The following MED13L variants were observed in gnomAD, a reference collection of about 807,000 sequenced individuals.
MED13L encodes mediator complex subunit 13L.
Under a neutral mutation model 220.9 loss-of-function variants are expected in MED13L, and 7 were observed. That is an observed-to-expected ratio of 0.03 (90% CI 0.02 to 0.06). The LOEUF is 0.06. Ranked by LOEUF, MED13L falls within the 10% of genes least tolerant of loss-of-function variation. The pLI, the probability that MED13L is intolerant of heterozygous loss-of-function variation, is 1.00. For missense variants in MED13L, 1,965 were observed against 2,760.5 expected (o/e 0.71, Z 6.46); for synonymous variants, 1,011 against 1,015.2 (o/e 1.00, Z 0.08).
intron 2 of MED13L, among the ~76,000 whole-genome samples, chr12:116,184,392 T>C (rs1230915341): frequency 6.6e-6 from 1 of 152,206 alleles, no homozygotes; most frequent in Non-Finnish European, 1.5e-5. Context: ...ATGTGGAGTT[T>C]GTACAACAAT....
chr12:116,109,162 C>G (rs1050198791), intron 3 of MED13L, among the ~76,000 whole-genome samples: 2 of 143,634 alleles, frequency 1.4e-5, no homozygotes, highest in Non-Finnish European at 3.0e-5. Context: ...CCTCAACCTC[C>G]TGGGCTCAAG....
intron 2 of MED13L, among the ~76,000 whole-genome samples, chr12:116,193,282 G>A (rs1881403335): frequency 6.6e-6 from 1 of 152,146 alleles, no homozygotes; most frequent in South Asian, 2.1e-4. Flanking sequence ...CTGCACTACA[G>A]CTTGGACAAC....
At chr12:116,233,202 A>G (rs1296584087) in intron 2 of MED13L, among the ~76,000 whole-genome samples, 3 of 152,154 alleles carry the variant, frequency 2.0e-5, no homozygotes, top group Non-Finnish European at 2.9e-5. Flanking sequence ...AATTTAGTCA[A>G]GCCAAAACAG....
intron 10 of MED13L, 69 bp downstream of exon 10, chr12:116,008,332 C>T: frequency 3.9e-6 from 6 of 1,523,398 alleles, no homozygotes; most frequent in Non-Finnish European, 5.3e-6. Flanking sequence ...GAAAGTTTAG[C>T]AGGTAGAGAT....
intron 1 of MED13L, among the ~76,000 whole-genome samples, chr12:116,240,775 C>A (rs1189982465): frequency 6.6e-6 from 1 of 151,178 alleles, no homozygotes; most frequent in East Asian, 2.0e-4. Flanking sequence ...GACCCGCCCA[C>A]CTCCGCCTCC....
At chr12:116,209,696 C>G (rs1882573061) in intron 2 of MED13L, among the ~76,000 whole-genome samples, 1 of 152,114 alleles carries the variant, frequency 6.6e-6, no homozygotes, top group Non-Finnish European at 1.5e-5. Flanking sequence ...ACTATTAGAG[C>G]CCAACCCTCT....
At chr12:115,987,439 G>A (rs909407201) in intron 17 of MED13L, 151 bp from the exon 18 acceptor site, 14 of 681,320 alleles carry the variant, frequency 2.1e-5, no homozygotes, top group Admixed American at 1.1e-4. Flanking sequence ...CAGGAGGAAA[G>A]ATATTCTTCT....
chr12:116,277,520 A>AGCC lies in MED13L; in HGVS notation c.-392_-390dup, dbSNP rs1190300321. Among the ~76,000 whole-genome samples, 10 of 146,264 alleles carry AGCC rather than the reference A, an allele frequency of 6.8e-5. No homozygotes were observed. Among genetic ancestry groups the AGCC allele is most frequent in the East Asian group, 4.2e-4 (2 of 4,774 alleles). On this transcript the variant is annotated 5_prime_UTR_variant, in exon 1 of 31. Coordinates refer to ENST00000281928, the MANE Select transcript of MED13L (RefSeq NM_015335.5). ...CCCGGAGCCGCCGCCGCCGCCTCGG[A>AGCC]GCCGCCGCCGCCGCGGAGCGCGAAC...
At position 115,991,272 on chromosome 12, in the gene MED13L, G is replaced by T; in HGVS notation, c.3682C>A (p.Leu1228Ile). The T allele has an allele frequency of 6.2e-7, 1 of 1,614,176 alleles. No individual in the cohort carries two copies. Among genetic ancestry groups the T allele is most frequent in the Non-Finnish European group, 8.5e-7 (1 of 1,180,030 alleles). ...GGTTGTGTGTGTTGATTCTGGAGGA[G>T]GAGGAGAAGGCTTATGGGTGGCTCC... ...PQEPPISLLLLLQNQHTQPFA... is the reference protein window; with the variant it reads ...PQEPPISLLLILQNQHTQPFA... Residue 1228 changes from leucine (L) to isoleucine (I), a missense_variant, in exon 17 of 31, where the codon CTC becomes ATC. Coordinates refer to ENST00000281928, the MANE Select transcript of MED13L (RefSeq NM_015335.5). The surrounding 1 kb of genome is among the most constrained non-coding windows in gnomAD (Gnocchi z 7.7).
At chr12:115,972,625 G>A (rs1477092547) in intron 25 of MED13L, among the ~76,000 whole-genome samples, 1 of 152,218 alleles carries the variant, frequency 6.6e-6, no homozygotes, top group Admixed American at 6.5e-5. Flanking sequence ...CTGGAGGAAA[G>A]CACTGGCAGG....
chr12:116,074,901 T>C (rs1466585311), intron 4 of MED13L, among the ~76,000 whole-genome samples: 1 of 152,272 alleles, frequency 6.6e-6, no homozygotes, highest in Non-Finnish European at 1.5e-5. Flanking sequence ...CATTTTCCTC[T>C]TCCTAAATAT....
At chr12:116,235,142 T>A (rs1375789477) in intron 2 of MED13L, among the ~76,000 whole-genome samples, 2 of 152,222 alleles carry the variant, frequency 1.3e-5, no homozygotes, top group African/African-American at 4.8e-5. Context: ...GACTTATTTT[T>A]CTAATTAAGG....
At chr12:116,057,372 G>GCAAA (rs1372684205) in intron 4 of MED13L, among the ~76,000 whole-genome samples, 1 of 151,936 alleles carries the variant, frequency 6.6e-6, no homozygotes, top group Non-Finnish European at 1.5e-5. Context: ...CAACCAAACT[G>GCAAA]CAAAACTCTA....
chr12:116,089,953 T>C (rs934190971), intron 4 of MED13L, among the ~76,000 whole-genome samples: 5 of 152,216 alleles, frequency 3.3e-5, no homozygotes, highest in African/African-American at 1.2e-4. Flanking sequence ...TTTTTAAATG[T>C]AGTCAACTTC....
intron 2 of MED13L, among the ~76,000 whole-genome samples, chr12:116,125,487 G>A (rs1301868275): frequency 6.6e-6 from 1 of 152,178 alleles, no homozygotes; most frequent in Non-Finnish European, 1.5e-5. Context: ...ATGGACCACT[G>A]AACACTAATG....
At chr12:116,157,009 C>T (rs910006204) in intron 2 of MED13L, among the ~76,000 whole-genome samples, 1 of 151,868 alleles carries the variant, frequency 6.6e-6, no homozygotes, top group Admixed American at 6.6e-5. Context: ...AGAGAGCAAG[C>T]GAGAGAGAAG....
intron 1 of MED13L, 68 bp from the exon 2 acceptor site, chr12:116,237,773 A>G: frequency 7.5e-7 from 1 of 1,341,224 alleles, no homozygotes; most frequent in East Asian, 2.3e-5. Flanking sequence ...ACAGTCTTCC[A>G]TACAGAAAAG....
At chr12:115,967,157 T>C (rs1268297448) in intron 28 of MED13L, among the ~76,000 whole-genome samples, 1 of 107,786 alleles carries the variant, frequency 9.3e-6, no homozygotes, top group African/African-American at 3.9e-5. Context: ...AGCAACAGAG[T>C]GAGACTCTGT....
intron 5 of MED13L, among the ~76,000 whole-genome samples, chr12:116,022,048 TAA>T (rs1254895748): frequency 1.3e-5 from 2 of 152,210 alleles, no homozygotes; most frequent in Non-Finnish European, 2.9e-5. Context: ...TTTCAAATAC[TAA>T]GTATTTGGTT....
Sources: gnomAD v4.1 joint callset for allele counts (sites outside exome capture counted in the v4.1 genomes callset) on GRCh38, gnomAD v4.1.1 for gene constraint, Gnocchi (gnomAD v3.1) non-coding constraint, MANE v1.5 for transcripts, NCBI Gene and HGNC (gene_info 2026-07-23, HGNC 2026-07-21) for gene names.